Variants in EYS observed in about 807,000 individuals in gnomAD.
EYS encodes the protein EGF-like photoreceptor maintenance factor.
EYS carries 250 observed loss-of-function variants against 282.1 expected under a neutral mutation model. The observed-to-expected ratio is 0.89, with a 90% CI of 0.80 to 0.98. The LOEUF is 0.98. Ranked by LOEUF, EYS falls within the 50% of genes least tolerant of loss-of-function variation. The probability of loss-of-function intolerance (pLI) is 0.00; values close to 1 mark genes in which losing one functional copy is unlikely to be tolerated. For synonymous variants in EYS, 1,355 were observed against 1,282.9 expected (o/e 1.06, Z -1.20); for missense variants, 4,016 against 3,709.0 (o/e 1.08, Z -2.15).
chr6:63,950,305 A>T (rs1330752219), intron 35 of EYS, among the ~76,000 whole-genome samples: 1 of 152,068 alleles, frequency 6.6e-6, no homozygotes, highest in Non-Finnish European at 1.5e-5. Context: ...AAGAAGTGAA[A>T]ATGTCCGGTT....
chr6:64,881,048 G>C (rs1179362124), intron 19 of EYS, among the ~76,000 whole-genome samples: 1 of 151,468 alleles, frequency 6.6e-6, no homozygotes, highest in African/African-American at 2.4e-5. Flanking sequence ...CTGAATTGAT[G>C]CCTGAATCAA....
intron 5 of EYS, among the ~76,000 whole-genome samples, chr6:65,448,591 A>G (rs1230418953): frequency 6.6e-6 from 1 of 152,012 alleles, no homozygotes; most frequent in African/African-American, 2.4e-5. Flanking sequence ...GATAAACACA[A>G]TAGGATATTT....
rs1053316821 is a variant in EYS, at chr6:64,719,849, C to T, written c.3443+93529G>A. On this transcript the variant is annotated intron_variant, in intron 22 of 42. Transcript: ENST00000503581. ...CTGGGAGGTGGAGGCTGCAGTGAGC[C>T]GAGATTGCACCACAGCACTCCAACC... Among the ~76,000 whole-genome samples the T allele has an allele frequency of 5.3e-5, 8 of 152,018 alleles. 1 individual carries two copies. The South Asian group carries it at 1.0e-3, about 20-fold the overall frequency.
chr6:64,505,075 C>T (rs1233091088), intron 26 of EYS, among the ~76,000 whole-genome samples: 4 of 152,194 alleles, frequency 2.6e-5, no homozygotes, highest in Non-Finnish European at 5.9e-5. Context: ...TGCTTAATTA[C>T]TATCTGTTGA....
At chr6:65,329,500 C>T in intron 11 of EYS, 2 of 978,446 alleles carry the variant, frequency 2.0e-6, no homozygotes, top group Non-Finnish European at 2.4e-6. Context: ...GACACTTGAT[C>T]TAGTGGTTTC....
At chr6:65,516,797 A>G (rs940863969) in intron 2 of EYS, among the ~76,000 whole-genome samples, 3 of 151,996 alleles carry the variant, frequency 2.0e-5, no homozygotes, top group African/African-American at 7.2e-5. Flanking sequence ...TCCTCAAAAA[A>G]TTTTTCTCAA....
intron 11 of EYS, among the ~76,000 whole-genome samples, chr6:65,321,964 G>T (rs1332221109): frequency 1.3e-5 from 2 of 152,166 alleles, no homozygotes; most frequent in Admixed American, 6.5e-5. Flanking sequence ...TTCCTTATTT[G>T]TGTGGCAGGA....
At chr6:65,626,264 G>A (rs545579667) in intron 2 of EYS, among the ~76,000 whole-genome samples, 45 of 152,300 alleles carry the variant, frequency 3.0e-4, no homozygotes, top group African/African-American at 1.1e-3. Context: ...AAGTCACACA[G>A]TTCATCAAAT....
At chr6:65,305,235 G>A (rs1415536888) in intron 11 of EYS, among the ~76,000 whole-genome samples, 1 of 152,194 alleles carries the variant, frequency 6.6e-6, no homozygotes, top group Admixed American at 6.5e-5. Flanking sequence ...CTGAGAGGGA[G>A]ATCAAGTGAA....
At chr6:65,376,843 C>T (rs950894239) in intron 8 of EYS, among the ~76,000 whole-genome samples, 1 of 152,042 alleles carries the variant, frequency 6.6e-6, no homozygotes, top group Non-Finnish European at 1.5e-5. Context: ...TATATATGCA[C>T]CCAATACAAA....
rs183277880 is a variant in EYS at position 63,780,710 on chromosome 6, C to A, written c.7724-2530G>T. 5.8e-3 allele frequency among the ~76,000 whole-genome samples: 888 copies of A among 152,280 alleles called. 11 individuals are homozygous for A. Among genetic ancestry groups the A allele is most frequent in the African/African-American group, 0.02 (845 of 41,546 alleles). ...CCATTCTGTAGGTTGCCTGTTCACT[C>A]TGATGGTAGTTTCTTTTGCTGTGCA... On this transcript the variant is annotated intron_variant, in intron 39 of 42. Transcript: ENST00000503581.
At chr6:64,171,236 A>T (rs948740842) in intron 31 of EYS, among the ~76,000 whole-genome samples, 1 of 152,142 alleles carries the variant, frequency 6.6e-6, no homozygotes, top group African/African-American at 2.4e-5. Flanking sequence ...TATACTCTTG[A>T]CTGTTTCTCT....
intron 5 of EYS, among the ~76,000 whole-genome samples, chr6:65,436,028 T>C (rs1316483631): frequency 2.0e-5 from 3 of 151,882 alleles, no homozygotes; most frequent in South Asian, 2.1e-4. Flanking sequence ...TACATGGCCC[T>C]TTTTTTTACG....
chr6:65,033,506 G>A (rs569363334), intron 13 of EYS, among the ~76,000 whole-genome samples: 5 of 152,178 alleles, frequency 3.3e-5, no homozygotes, highest in Admixed American at 3.3e-4. Flanking sequence ...CCCATGTTCT[G>A]GCCTCTCTAG....
At chr6:63,954,187 C>T (rs1562114293) in intron 35 of EYS, among the ~76,000 whole-genome samples, 1 of 152,106 alleles carries the variant, frequency 6.6e-6, no homozygotes, top group Admixed American at 6.5e-5. Flanking sequence ...CACTCCATTT[C>T]CCCATATTTC....
At chr6:65,095,993 G>A (rs1446505668) in intron 12 of EYS, among the ~76,000 whole-genome samples, 7 of 150,938 alleles carry the variant, frequency 4.6e-5, no homozygotes, top group Non-Finnish European at 7.4e-5. Flanking sequence ...AATCAGAAAG[G>A]AAGAATTAAA....
intron 2 of EYS, among the ~76,000 whole-genome samples, chr6:65,530,916 T>C (rs890794274): frequency 1.3e-5 from 2 of 152,156 alleles, no homozygotes; most frequent in African/African-American, 4.8e-5. Context: ...CATATTTTTC[T>C]AGAAAAATAA....
intron 31 of EYS, among the ~76,000 whole-genome samples, chr6:64,164,685 G>T (rs1188749688): frequency 6.6e-6 from 1 of 152,046 alleles, no homozygotes; most frequent in Non-Finnish European, 1.5e-5. Context: ...CCATTAGTAT[G>T]GCCTAGTCAG....
chr6:64,541,898 G>C (rs915783197), intron 26 of EYS, among the ~76,000 whole-genome samples: 1 of 151,886 alleles, frequency 6.6e-6, no homozygotes, highest in South Asian at 2.1e-4. Context: ...CATTTTATAC[G>C]GTCAGAAACA....
Sources: gnomAD v4.1 joint callset for allele counts (sites outside exome capture counted in the v4.1 genomes callset) on GRCh38, gnomAD v4.1.1 for gene constraint, MANE v1.5 for transcripts, NCBI Gene and HGNC (gene_info 2026-07-23, HGNC 2026-07-21) for gene names.